The following DMD variants were observed in gnomAD, a reference collection of about 807,000 sequenced individuals.
DMD encodes dystrophin.
DMD carries 63 observed loss-of-function variants against 330.1 expected under a neutral mutation model. That is an observed-to-expected ratio of 0.19 (90% CI 0.16 to 0.24). DMD has a LOEUF of 0.24. Ranked by LOEUF, DMD falls within the 10% of genes least tolerant of loss-of-function variation. DMD has a pLI of 1.00. For missense variants in DMD, 3,344 were observed against 2,684.1 expected (o/e 1.25, Z -5.43); for synonymous variants, 1,223 against 959.8 (o/e 1.27, Z -5.07).
rs906094624 is a variant in DMD, at chrX:32,947,588, A to T, written c.93+72551T>A. On this transcript the variant is annotated intron_variant, in intron 2 of 78. Transcript: ENST00000357033. Reference sequence around the variant, plus strand: ...TTATTTAGTCATCTAATTAAAAACAAAACTAGTAATAATTTAGCCATAAAG... The same window carrying T: ...TTATTTAGTCATCTAATTAAAAACATAACTAGTAATAATTTAGCCATAAAG... 3.6e-5 allele frequency among the ~76,000 whole-genome samples: 4 copies of T among 112,150 alleles called. No individual in the cohort carries two copies. In the Admixed American group the frequency reaches 3.8e-4, roughly 11 times the overall value.
At chrX:31,451,861 A>AT (rs905564960) in intron 59 of DMD, among the ~76,000 whole-genome samples, 1 of 109,679 alleles carries the variant, frequency 9.1e-6, no homozygotes, top group Non-Finnish European at 1.9e-5. Context: ...ATGTGATTGC[A>AT]TTTTTTTCCA....
intron 60 of DMD, among the ~76,000 whole-genome samples, chrX:31,435,212 A>T (rs1447562442): frequency 8.9e-6 from 1 of 112,168 alleles, no homozygotes; most frequent in Admixed American, 9.5e-5. Flanking sequence ...AGTGCTTATA[A>T]TTGTGAATGG....
At chrX:33,046,381 T>G in intron 1 of DMD, among the ~76,000 whole-genome samples, 1 of 111,895 alleles carries the variant, frequency 8.9e-6, no homozygotes, top group Middle Eastern at 4.6e-3. Context: ...TATAATTTAG[T>G]GCAAAGGTGT....
At chrX:33,206,985 C>G (rs1366919020) in intron 1 of DMD, among the ~76,000 whole-genome samples, 1 of 110,246 alleles carries the variant, frequency 9.1e-6, no homozygotes, top group Non-Finnish European at 1.9e-5. Context: ...AAGCCTAGTA[C>G]CCATTAGTTG....
intron 53 of DMD, among the ~76,000 whole-genome samples, chrX:31,660,461 A>G (rs770183497): frequency 1.6e-4 from 18 of 112,169 alleles, no homozygotes; most frequent in African/African-American, 2.3e-4. Context: ...ACGAAAGAAC[A>G]TGTAATTGGC....
intron 2 of DMD, among the ~76,000 whole-genome samples, chrX:33,006,713 G>T (rs2093404441): frequency 9.0e-6 from 1 of 111,136 alleles, no homozygotes; most frequent in Non-Finnish European, 1.9e-5. Flanking sequence ...AGAGATAAAT[G>T]TATTTATTCT....
At chrX:33,235,581 A>G (rs960043045) in intron 1 of DMD, among the ~76,000 whole-genome samples, 1 of 111,876 alleles carries the variant, frequency 8.9e-6, no homozygotes, top group Non-Finnish European at 1.9e-5. Flanking sequence ...ACATACAGCA[A>G]TATAGTTTTC....
intron 60 of DMD, among the ~76,000 whole-genome samples, chrX:31,366,882 C>T (rs1454029004): frequency 9.1e-6 from 1 of 109,961 alleles, no homozygotes; most frequent in Non-Finnish European, 1.9e-5. Context: ...TTTAATGTTT[C>T]CCTTATGCTA....
intron 62 of DMD, among the ~76,000 whole-genome samples, chrX:31,262,627 C>T (rs1298219024): frequency 8.9e-6 from 1 of 112,544 alleles, no homozygotes; most frequent in Non-Finnish European, 1.9e-5. Flanking sequence ...AGAGACAACT[C>T]ACATTTGAGG....
At chrX:33,000,608 G>A (rs2093255481) in intron 2 of DMD, among the ~76,000 whole-genome samples, 1 of 112,041 alleles carries the variant, frequency 8.9e-6, no homozygotes, top group Admixed American at 9.5e-5. Context: ...TGGCTTTGGA[G>A]CACCTGAATA....
rs746207033 is a variant in DMD, at chrX:31,510,539, G to A, written c.8218-3086C>T. 1.3e-4 allele frequency among the ~76,000 whole-genome samples: 11 copies of A among 86,866 alleles called. No homozygotes were observed. The South Asian group carries it at 6.4e-3, about 50-fold the overall frequency. The allele number at this position is 86,866 out of a possible 115,157, so 75.4% of individuals were successfully genotyped here. A position where few individuals can be genotyped will look rare whatever the true frequency, so the allele number is the denominator to read the frequency against. ...TTTTTTTTTTTTGAGACAGAGTCTC[G>A]CTCTGTCACCCAGGCTGGAGCACAG... On this transcript the variant is annotated intron_variant, in intron 55 of 78. Transcript: ENST00000357033.
intron 43 of DMD, among the ~76,000 whole-genome samples, chrX:32,268,233 G>A (rs1312698734): frequency 1.8e-5 from 2 of 111,409 alleles, no homozygotes; most frequent in African/African-American, 6.5e-5. Context: ...GGGTACTCTG[G>A]TTGATGTCCT....
At chrX:32,732,741 C>A (rs2067877072) in intron 7 of DMD, among the ~76,000 whole-genome samples, 1 of 110,424 alleles carries the variant, frequency 9.1e-6, no homozygotes, top group African/African-American at 3.3e-5. Context: ...CAGGCCTGCC[C>A]TAAAAGAGCT....
intron 43 of DMD, among the ~76,000 whole-genome samples, chrX:32,232,302 C>G (rs73619038): frequency 0.02 from 2,221 of 111,894 alleles, 53 homozygotes; most frequent in African/African-American, 0.068. Flanking sequence ...TTCAGTTTAT[C>G]TATTTTTGAT....
chrX:32,370,862 A>G (rs1479053120), intron 34 of DMD, among the ~76,000 whole-genome samples: 1 of 111,321 alleles, frequency 9.0e-6, no homozygotes, highest in Non-Finnish European at 1.9e-5. Context: ...GTTATAAAAA[A>G]TATATATACA....
At chrX:31,633,082 T>C (rs1447855973) in intron 54 of DMD, among the ~76,000 whole-genome samples, 1 of 111,740 alleles carries the variant, frequency 8.9e-6, no homozygotes, top group Non-Finnish European at 1.9e-5. Flanking sequence ...TTCTCCTCTG[T>C]TATGAAACTG....
chrX:31,737,866 A>G (rs1202793789), intron 51 of DMD, among the ~76,000 whole-genome samples: 2 of 111,892 alleles, frequency 1.8e-5, no homozygotes, highest in Non-Finnish European at 3.8e-5. Flanking sequence ...TTATAAGGGA[A>G]AGACAGACAT....
intron 1 of DMD, among the ~76,000 whole-genome samples, chrX:33,277,065 T>C (rs996948112): frequency 9.0e-6 from 1 of 111,444 alleles, no homozygotes; most frequent in African/African-American, 3.3e-5. Flanking sequence ...ACACAAGTGG[T>C]AGATGTACCA....
At position 32,351,735 on chromosome X, in the gene DMD, AAC is replaced by A. The variant is rs1422781411; in HGVS notation, c.5326-3209_5326-3208del. ...TTTTTAGTGACATGGAATTTTAAAT[AAC>A]ACAATTTCTATGTAGAAATGTCAAA... On this transcript the variant is annotated intron_variant, in intron 37 of 78. Transcript: ENST00000357033. 6.3e-5 allele frequency among the ~76,000 whole-genome samples: 7 copies of A among 110,949 alleles called. No homozygotes were observed. In the East Asian group the frequency reaches 2.0e-3, roughly 31 times the overall value.
Sources: allele counts gnomAD v4.1 joint callset (sites outside exome capture counted in the v4.1 genomes callset), GRCh38; gene constraint gnomAD v4.1.1; transcripts MANE v1.5; gene names NCBI Gene and HGNC (gene_info 2026-07-23, HGNC 2026-07-21).